Variants in KDM4B observed in about 807,000 individuals in gnomAD.
The protein encoded by KDM4B is lysine-specific demethylase 4B.
KDM4B carries 32 observed loss-of-function variants against 125.2 expected under a neutral mutation model. That is an observed-to-expected ratio of 0.26 (90% confidence interval 0.19 to 0.34). KDM4B has a LOEUF of 0.34. KDM4B is among the 10% of genes least tolerant of loss of function. The pLI is 1.00. For missense variants in KDM4B, 1,190 were observed against 1,577.7 expected (o/e 0.75, Z 4.16); for synonymous variants, 721 against 677.9 (o/e 1.06, Z -0.99).
intron 3 of KDM4B, among the ~76,000 whole-genome samples, chr19:5,033,359 C>T (rs922169721): frequency 3.3e-5 from 5 of 152,210 alleles, no homozygotes; most frequent in African/African-American, 7.2e-5. Flanking sequence ...GCTGACGTCT[C>T]ACTGAGGGAC....
chr19:5,077,267 C>A (rs897710528), intron 7 of KDM4B, 100 bp from the exon 8 acceptor site: 3 of 990,898 alleles, frequency 3.0e-6, no homozygotes, highest in African/African-American at 3.2e-5. Context: ...CACGCCCGCT[C>A]TCCATGGGAG....
rs558786685 is a variant in KDM4B at position 5,034,363 on chromosome 19, G to A, written c.141+1332G>A. Among the ~76,000 whole-genome samples, 384 of 152,328 alleles carry A rather than the reference G, an allele frequency of 2.5e-3. 1 individual carries two copies. Among genetic ancestry groups the A allele is most frequent in the Middle Eastern group, 0.01 (3 of 294 alleles). On this transcript the variant is annotated intron_variant, in intron 3 of 22. Transcript: ENST00000159111. ...GGGTTGGCGGGCAGTCTCTACACAC[G>A]GCCAGAGGGTGAACGCCTAGGCTCT...
chr19:5,077,723 G>A (rs546562880), intron 8 of KDM4B: 1 of 476,098 alleles, frequency 2.1e-6, no homozygotes, highest in Non-Finnish European at 3.8e-6. Context: ...ACTTCCTCCT[G>A]GGTGTGGCCA....
chr19:5,144,177 C>T (rs779696938), intron 19 of KDM4B, 25 bp downstream of exon 19: 2 of 1,592,206 alleles, frequency 1.3e-6, no homozygotes, highest in South Asian at 2.2e-5. Context: ...GCCTCCTTGC[C>T]CCCAGCCCCT....
rs1403548285 is a variant in KDM4B at position 5,120,179 on chromosome 19, TA to T, written c.1315+335del. On this transcript the variant is annotated intron_variant, in intron 11 of 22. Coordinates refer to ENST00000159111, the MANE Select transcript of KDM4B (RefSeq NM_015015.3). ...TGAGACCCTGTCTCTACTTATGATA[TA>T]AAAAAAATTTAACCAGGCTTGGTGG... Among the ~76,000 whole-genome samples the T allele has an allele frequency of 2.6e-5, 4 of 152,090 alleles. 1 individual carries two copies. The highest frequency in any genetic ancestry group is 9.6e-5 in the African/African-American group (4 of 41,498).
chr19:5,107,378 A>C (rs1403753073), intron 9 of KDM4B, among the ~76,000 whole-genome samples: 1 of 152,190 alleles, frequency 6.6e-6, no homozygotes, highest in East Asian at 1.9e-4. Context: ...GAGGACCACC[A>C]AGTTGGGCAG....
At chr19:5,062,546 T>A (rs2037636303) in intron 6 of KDM4B, among the ~76,000 whole-genome samples, 1 of 152,238 alleles carries the variant, frequency 6.6e-6, no homozygotes, top group Admixed American at 6.5e-5. Context: ...TGTGGCCTTG[T>A]TTGTGGAGAG....
intron 5 of KDM4B, among the ~76,000 whole-genome samples, chr19:5,043,480 T>C (rs1385536688): frequency 4.9e-5 from 7 of 143,610 alleles, no homozygotes; most frequent in Admixed American, 4.8e-4. Flanking sequence ...AGTGGGGGTG[T>C]CCACCTTATC....
intron 2 of KDM4B, among the ~76,000 whole-genome samples, chr19:5,027,003 C>T (rs1384985568): frequency 2.0e-5 from 3 of 152,234 alleles, no homozygotes; most frequent in African/African-American, 4.8e-5. Flanking sequence ...CAGCTCACAC[C>T]ACGGGGCAGC....
At chr19:5,088,510 GC>G (rs914033824) in intron 9 of KDM4B, among the ~76,000 whole-genome samples, 3 of 152,154 alleles carry the variant, frequency 2.0e-5, no homozygotes, top group Admixed American at 6.5e-5. Flanking sequence ...GGGGGAGGTT[GC>G]CCCTGCCCAC....
intron 7 of KDM4B, among the ~76,000 whole-genome samples, chr19:5,073,597 G>A (rs2038013856): frequency 6.6e-6 from 1 of 152,236 alleles, no homozygotes; most frequent in Non-Finnish European, 1.5e-5. Context: ...GTTGACAGGA[G>A]CCTGCTGGAG....
At chr19:5,093,738 G>A (rs566981435) in intron 9 of KDM4B, among the ~76,000 whole-genome samples, 64 of 152,316 alleles carry the variant, frequency 4.2e-4, no homozygotes, top group African/African-American at 1.1e-3. Flanking sequence ...CACTCGCCCC[G>A]GTTGGTGTCT....
rs56011560 is a variant in KDM4B at position 5,004,575 on chromosome 19, C to T, written c.-108-11682C>T. On this transcript the variant is annotated intron_variant, in intron 1 of 22. Coordinates refer to ENST00000159111, the MANE Select transcript of KDM4B (RefSeq NM_015015.3). The stretch of plus-strand genomic sequence containing the variant: ...TCTAGACACAGCCAGTCCCTGTGAC[C>T]CGGTGTGCATGTGTGCTGCCGTGCA... Among the ~76,000 whole-genome samples, 1,431 of 152,256 alleles carry T rather than the reference C, an allele frequency of 9.4e-3. 37 individuals are homozygous for T. Among genetic ancestry groups the T allele is most frequent in the South Asian group, 0.067 (325 of 4,832 alleles).
chr19:5,125,242 C>A (rs112930230), intron 11 of KDM4B, among the ~76,000 whole-genome samples: 1 of 151,890 alleles, frequency 6.6e-6, no homozygotes, highest in Non-Finnish European at 1.5e-5. Context: ...AGCCCACTGA[C>A]GAGACAGCCA....
At chr19:5,030,848 A>G (rs2145608583) in intron 2 of KDM4B, among the ~76,000 whole-genome samples, 1 of 152,342 alleles carries the variant, frequency 6.6e-6, no homozygotes, top group South Asian at 2.1e-4. Context: ...TGTGGCCACC[A>G]CCGCATCTGG....
intron 3 of KDM4B, among the ~76,000 whole-genome samples, chr19:5,034,376 A>G (rs1223673827): frequency 2.0e-5 from 3 of 152,204 alleles, no homozygotes. Context: ...CAGAGGGTGA[A>G]CGCCTAGGCT....
chr19:5,082,576 C>G lies in KDM4B; in HGVS notation c.918+72C>G. On this transcript the variant is annotated intron_variant, in intron 9 of 22. Coordinates refer to ENST00000159111, the MANE Select transcript of KDM4B (RefSeq NM_015015.3). This position sits in a 1 kb window ranked among gnomAD's most constrained non-coding sequence, Gnocchi z 5.4. The stretch of plus-strand genomic sequence containing the variant: ...GCTCTTTTTTGCCTCTGCAGCCACA[C>G]GCCCATAGCTGGTCCAGCAGCCGTT... 8.8e-6 allele frequency: 13 copies of G among 1,480,566 alleles called. 1 individual carries two copies. The South Asian group carries it at 1.7e-4, about 20-fold the overall frequency. The allele number at this position is 1,480,566 out of a possible 1,614,324, so 91.7% of individuals were successfully genotyped here. A position where few individuals can be genotyped will look rare whatever the true frequency, so the allele number is the denominator to read the frequency against.
intron 9 of KDM4B, among the ~76,000 whole-genome samples, chr19:5,095,771 A>G (rs1010386303): frequency 6.6e-6 from 1 of 152,204 alleles, no homozygotes; most frequent in Admixed American, 6.5e-5. Flanking sequence ...GAGGGCCCGG[A>G]GCAGCCAGGT....
intron 13 of KDM4B, 41 bp from the exon 14 acceptor site, chr19:5,133,842 G>C (rs530588322): frequency 1.2e-6 from 2 of 1,600,566 alleles, no homozygotes; most frequent in Non-Finnish European, 1.7e-6. Context: ...AGTTTTTAGG[G>C]GGCTCAAGTG....
Sources: allele counts gnomAD v4.1 joint callset (sites outside exome capture counted in the v4.1 genomes callset), GRCh38; gene constraint gnomAD v4.1.1; non-coding constraint Gnocchi (gnomAD v3.1); transcripts MANE v1.5; gene names NCBI Gene and HGNC (gene_info 2026-07-23, HGNC 2026-07-21).